SGCD: variants seen among roughly 807,000 people sequenced by gnomAD.
The protein encoded by SGCD is delta-sarcoglycan.
SGCD carries 18 observed loss-of-function variants against 36.6 expected under a neutral mutation model. The ratio of observed to expected loss-of-function variants is 0.49; its 90% CI spans 0.34 to 0.73. The LOEUF is 0.73. Ranked by LOEUF, SGCD falls within the 30% of genes least tolerant of loss-of-function variation. The pLI, the probability that SGCD is intolerant of heterozygous loss-of-function variation, is 0.01. For missense variants in SGCD, 387 were observed against 346.7 expected (o/e 1.12, Z -0.92); for synonymous variants, 133 against 130.6 (o/e 1.02, Z -0.12).
At chr5:156,470,495 A>C (rs1413612177) in intron 3 of SGCD, among the ~76,000 whole-genome samples, 19 of 131,246 alleles carry the variant, frequency 1.4e-4, no homozygotes, top group Admixed American at 2.4e-4. Flanking sequence ...CCTCCCCCCT[A>C]CCCCCACCCC....
intron 1 of SGCD, among the ~76,000 whole-genome samples, chr5:156,093,772 T>C (rs1761305985): frequency 6.6e-6 from 1 of 152,208 alleles, no homozygotes; most frequent in South Asian, 2.1e-4. Flanking sequence ...AGCAGCCAGT[T>C]AATAGAGGCT....
intron 1 of SGCD, among the ~76,000 whole-genome samples, chr5:155,986,051 A>AG (rs1758321687): frequency 6.6e-6 from 1 of 152,210 alleles, no homozygotes; most frequent in South Asian, 2.1e-4. Context: ...ATTATTTCTA[A>AG]GAAAAAAAAA....
chr5:156,751,927 A>G (rs1382885300), intron 7 of SGCD, among the ~76,000 whole-genome samples: 1 of 152,230 alleles, frequency 6.6e-6, no homozygotes, highest in Non-Finnish European at 1.5e-5. Flanking sequence ...ACTCTCCCAC[A>G]TTAGTCTGAA....
intron 3 of SGCD, among the ~76,000 whole-genome samples, chr5:156,356,673 C>T (rs1386757583): frequency 1.3e-5 from 2 of 152,008 alleles, no homozygotes; most frequent in Non-Finnish European, 2.9e-5. Flanking sequence ...TGAATAGTGC[C>T]CCCCTACATT....
At chr5:155,886,102 A>G (rs1755991261) in intron 1 of SGCD, among the ~76,000 whole-genome samples, 1 of 152,244 alleles carries the variant, frequency 6.6e-6, no homozygotes, top group Non-Finnish European at 1.5e-5. Flanking sequence ...GCATTTGTGC[A>G]AAATTATTTA....
At chr5:156,006,072 A>C (rs972459661) in intron 1 of SGCD, among the ~76,000 whole-genome samples, 10 of 152,184 alleles carry the variant, frequency 6.6e-5, no homozygotes, top group African/African-American at 2.4e-4. Flanking sequence ...AGATCATATG[A>C]GAATATGCAG....
At chr5:156,128,472 A>T (rs1409453768) in intron 3 of SGCD, among the ~76,000 whole-genome samples, 1 of 145,766 alleles carries the variant, frequency 6.9e-6, no homozygotes, top group Non-Finnish European at 1.5e-5. Context: ...AACAACTCAG[A>T]TGTCTAACAA....
intron 3 of SGCD, among the ~76,000 whole-genome samples, chr5:156,458,211 G>A (rs1561708772): frequency 2.0e-5 from 3 of 152,086 alleles, no homozygotes; most frequent in South Asian, 2.1e-4. Flanking sequence ...CTCCCTCTCC[G>A]TCCCCATAAG....
At chr5:155,936,635 A>G (rs1757208034) in intron 1 of SGCD, among the ~76,000 whole-genome samples, 1 of 152,202 alleles carries the variant, frequency 6.6e-6, no homozygotes, top group Non-Finnish European at 1.5e-5. Context: ...GGGCAGGCCC[A>G]GAAAAAGCAC....
At chr5:156,259,114 G>GTTTGTTTATTTATTTA (rs1554087895) in intron 3 of SGCD, among the ~76,000 whole-genome samples, 13 of 146,774 alleles carry the variant, frequency 8.9e-5, no homozygotes, top group African/African-American at 3.2e-4. Context: ...AACACTGGCT[G>GTTTGTTTATTTATTTA]TTTATTTATT....
chr5:156,509,926 C>A (rs1356146274), intron 4 of SGCD, among the ~76,000 whole-genome samples: 9 of 152,086 alleles, frequency 5.9e-5, no homozygotes, highest in African/African-American at 2.2e-4. Context: ...TTGGATTGAT[C>A]CCCCTTCACC....
intron 3 of SGCD, among the ~76,000 whole-genome samples, chr5:156,266,454 C>A (rs1019231255): frequency 7.2e-5 from 11 of 152,152 alleles, no homozygotes; most frequent in Admixed American, 2.0e-4. Flanking sequence ...TGTACCATGT[C>A]TCTTTTGATT....
intron 6 of SGCD, among the ~76,000 whole-genome samples, chr5:156,626,789 C>G (rs747715862): frequency 1.2e-5 from 1 of 83,904 alleles, no homozygotes; most frequent in South Asian, 3.6e-4. Flanking sequence ...ATAATCCACT[C>G]CCCCCCACCC....
intron 4 of SGCD, among the ~76,000 whole-genome samples, chr5:156,535,210 C>T (rs1051121290): frequency 2.0e-5 from 3 of 152,034 alleles, no homozygotes; most frequent in Non-Finnish European, 2.9e-5. Context: ...AGAATGATAC[C>T]GGGGCTCTCT....
At chr5:155,839,093 G>T in the SGCD span, among the ~76,000 whole-genome samples, 1 of 151,300 alleles carries the variant, frequency 6.6e-6, no homozygotes, top group African/African-American at 2.4e-5. Flanking sequence ...TTTAGTTAAT[G>T]CCCAGCAAAT....
At chr5:156,580,076 G>C (rs1760181614) in intron 4 of SGCD, among the ~76,000 whole-genome samples, 1 of 152,118 alleles carries the variant, frequency 6.6e-6, no homozygotes, top group Non-Finnish European at 1.5e-5. Flanking sequence ...CATGTTTAGT[G>C]CTTCCTTCAG....
intron 7 of SGCD, among the ~76,000 whole-genome samples, chr5:156,722,330 A>G (rs1246345571): frequency 6.6e-6 from 1 of 152,228 alleles, no homozygotes; most frequent in Non-Finnish European, 1.5e-5. Flanking sequence ...AGAACAGAGA[A>G]GATAATCTGA....
Position 156,555,740 on chromosome 5 carries a change from G to A in SGCD, c.295-33491G>A, listed in dbSNP as rs142306873. Among the ~76,000 whole-genome samples, 40 of 149,060 alleles carry A rather than the reference G, an allele frequency of 2.7e-4. No individual in the cohort carries two copies. In the East Asian group the frequency reaches 3.2e-3, roughly 12 times the overall value. On this transcript the variant is annotated intron_variant, in intron 4 of 8. Coordinates refer to ENST00000337851, the MANE Select transcript of SGCD (RefSeq NM_000337.6). Reference sequence around the variant, plus strand: ...CCTTTCCATTTGAATTTTTAAGATCGGCTCTCCAGGATTGCATTTAATCTG... The same window carrying A: ...CCTTTCCATTTGAATTTTTAAGATCAGCTCTCCAGGATTGCATTTAATCTG...
chr5:155,809,356 T>C, the SGCD span, among the ~76,000 whole-genome samples: 1 of 152,238 alleles, frequency 6.6e-6, no homozygotes, highest in African/African-American at 2.4e-5. Context: ...CCTCATTGTG[T>C]ATTTAAAATC....
Sources: gnomAD v4.1 joint callset for allele counts (sites outside exome capture counted in the v4.1 genomes callset) on GRCh38, gnomAD v4.1.1 for gene constraint, MANE v1.5 for transcripts, NCBI Gene and HGNC (gene_info 2026-07-23, HGNC 2026-07-21) for gene names.